The following DNASE1L3 variants were observed in gnomAD, a reference collection of about 807,000 sequenced individuals.
The protein encoded by DNASE1L3 is deoxyribonuclease gamma.
Under a neutral mutation model 30.9 loss-of-function variants are expected in DNASE1L3, and 27 were observed. The observed-to-expected ratio is 0.87, with a 90% CI of 0.64 to 1.20. The LOEUF (loss-of-function observed/expected upper bound fraction) is 1.20. Among genes scored for constraint, DNASE1L3 ranks in the 50% most tolerant of loss-of-function variants. The pLI is 0.00. For missense variants in DNASE1L3, 364 were observed against 378.2 expected (o/e 0.96, Z 0.31); for synonymous variants, 135 against 138.0 (o/e 0.98, Z 0.15).
At chr3:58,208,335 G>C (rs375981741) in intron 1 of DNASE1L3, 29 bp from the exon 2 acceptor site, 3 of 1,610,260 alleles carry the variant, frequency 1.9e-6, no homozygotes, top group South Asian at 1.1e-5. Flanking sequence ...CCAGGGGTTT[G>C]AGGTCATTTA....
chr3:58,210,731 G>A (rs1427108920), intron 1 of DNASE1L3, 35 bp downstream of exon 1: 2 of 1,613,624 alleles, frequency 1.2e-6, no homozygotes. Context: ...GGTGTGAGGG[G>A]TGTCTGGGAT....
intron 5 of DNASE1L3, among the ~76,000 whole-genome samples, chr3:58,199,553 C>T (rs891687435): frequency 3.3e-5 from 5 of 152,052 alleles, no homozygotes; most frequent in Non-Finnish European, 7.4e-5. Context: ...GCCTGTAATC[C>T]CAGCTACTCG....
intron 1 of DNASE1L3, among the ~76,000 whole-genome samples, chr3:58,209,728 TG>T (rs1187579896): frequency 6.6e-6 from 1 of 152,172 alleles, no homozygotes. Context: ...AGGTGGTATT[TG>T]GATGTGGTCG....
chr3:58,207,842 A>T (rs765778043), intron 2 of DNASE1L3: 1 of 178,384 alleles, frequency 5.6e-6, no homozygotes, highest in Non-Finnish European at 1.2e-5. Context: ...CATGACTTTT[A>T]ACAGCTGCAT....
chr3:58,194,314 C>CTTTTTTTTTT (rs11358965), intron 6 of DNASE1L3, among the ~76,000 whole-genome samples: 2 of 89,052 alleles, frequency 2.2e-5, no homozygotes, highest in Non-Finnish European at 2.0e-5. Context: ...GCACAACTAA[C>CTTTTTTTTTT]TTTTTTTTTT....
At chr3:58,193,553 G>C in intron 6 of DNASE1L3, 114 bp from the exon 7 acceptor site, 4 of 857,494 alleles carry the variant, frequency 4.7e-6, no homozygotes, top group Non-Finnish European at 5.5e-6. Context: ...CCTTTCATGT[G>C]GCGCTCAAAG....
intron 4 of DNASE1L3, among the ~76,000 whole-genome samples, chr3:58,203,864 C>T (rs142990485): frequency 3.3e-4 from 50 of 152,226 alleles, no homozygotes; most frequent in African/African-American, 1.2e-3. Flanking sequence ...CAACCCTGGC[C>T]TGTCCATTTC....
chr3:58,205,917 C>G (rs1322281955), intron 2 of DNASE1L3, among the ~76,000 whole-genome samples: 1 of 152,226 alleles, frequency 6.6e-6, no homozygotes, highest in Non-Finnish European at 1.5e-5. Context: ...ACAATCTTGG[C>G]CAGAATCAGC....
At chr3:58,194,685 G>T (rs2097396155) in intron 6 of DNASE1L3, among the ~76,000 whole-genome samples, 1 of 146,674 alleles carries the variant, frequency 6.8e-6, no homozygotes, top group Non-Finnish European at 1.5e-5. Flanking sequence ...GAGTGCAGTG[G>T]CGCAATCTCG....
intron 4 of DNASE1L3, among the ~76,000 whole-genome samples, chr3:58,204,058 C>T (rs1202911751): frequency 1.3e-5 from 2 of 151,858 alleles, no homozygotes; most frequent in Admixed American, 6.6e-5. Flanking sequence ...TCACCCGCTG[C>T]GGCCTGTGGA....
In DNASE1L3 at chr3:58,197,902, C is replaced by T; in HGVS notation, c.623G>A (p.Arg208Lys). The T allele has an allele frequency of 6.2e-7, 1 of 1,614,214 alleles. No homozygotes were observed. The highest frequency in any genetic ancestry group is 1.1e-5 in the South Asian group (1 of 91,086). Residue 208 changes from arginine to lysine, a missense_variant, in exon 6 of 8, where the codon AGG (arginine) becomes AAG (lysine). Transcript: ENST00000394549. The surrounding 1 kb of genome is among the most constrained non-coding windows in gnomAD (Gnocchi z 5.3). ...CAGCCAAACAAACCTGGGGTCAGTC[C>T]TCAAGCGGATGTTCTTCCAGGCCTT... Reference protein sequence around the residue: ...PKKAWKNIRLRTDPRFVWLIG... With the variant: ...PKKAWKNIRLKTDPRFVWLIG...
chr3:58,193,668 G>C (rs898712177), intron 6 of DNASE1L3, among the ~76,000 whole-genome samples: 3 of 152,258 alleles, frequency 2.0e-5, no homozygotes, highest in Non-Finnish European at 2.9e-5. Context: ...CTGTCTCCCA[G>C]TGTGGGCAAT....
Position 58,201,114 on chromosome 3 carries a change from G to A in DNASE1L3, c.434-5C>T. On this transcript the variant is annotated splice_polypyrimidine_tract_variant and splice_region_variant and intron_variant, in intron 4 of 7. Transcript: ENST00000394549. ...TAATCACGAAGTCTTTGACAGCTGA[G>A]AAACAGGAAAGAGGCGGGGGTCACA... 6.2e-7 allele frequency: 1 copy of A among 1,604,164 alleles called. No homozygotes were observed. Among genetic ancestry groups the A allele is most frequent in the Non-Finnish European group, 8.5e-7 (1 of 1,173,636 alleles).
rs1384659091 is a variant in DNASE1L3, at chr3:58,197,360, T to C, written c.704+461A>G. Among the ~76,000 whole-genome samples the C allele has an allele frequency of 2.0e-5, 3 of 152,168 alleles. No individual in the cohort carries two copies. The highest frequency in any genetic ancestry group is 4.4e-5 in the Non-Finnish European group (3 of 68,034). On this transcript the variant is annotated intron_variant, in intron 6 of 7. Coordinates refer to ENST00000394549, the MANE Select transcript of DNASE1L3 (RefSeq NM_004944.4). This position sits in a 1 kb window ranked among gnomAD's most constrained non-coding sequence, Gnocchi z 5.3. Reference sequence around the variant, plus strand: ...CAGTGCCCAGGGCCACCGCATAGGGTCCTGTGGTTCATACGCTACATGTGG... The same window carrying C: ...CAGTGCCCAGGGCCACCGCATAGGGCCCTGTGGTTCATACGCTACATGTGG...
intron 6 of DNASE1L3, among the ~76,000 whole-genome samples, chr3:58,195,798 A>T (rs2097396909): frequency 2.0e-5 from 3 of 152,114 alleles, no homozygotes; most frequent in Admixed American, 1.3e-4. Flanking sequence ...AAAAAAGAAA[A>T]AAAAGAGGCA....
At position 58,192,666 on chromosome 3, in the gene DNASE1L3, A is replaced by G; in HGVS notation, c.*21T>C. On this transcript the variant is annotated 3_prime_UTR_variant, in exon 8 of 8. Coordinates refer to ENST00000394549, the MANE Select transcript of DNASE1L3 (RefSeq NM_004944.4). This position sits in a 1 kb window ranked among gnomAD's most constrained non-coding sequence, Gnocchi z 4.8. ...TTTTATTTAGAGGCAAGAAATGGTT[A>G]ATAAGATGAGACCCTTGGGTCTAGG... 6.2e-7 allele frequency: 1 copy of G among 1,603,702 alleles called. No homozygotes were observed. The highest frequency in any genetic ancestry group is 2.2e-5 in the East Asian group (1 of 44,832).
chr3:58,207,097 G>A (rs2107380765), intron 2 of DNASE1L3, among the ~76,000 whole-genome samples: 1 of 152,282 alleles, frequency 6.6e-6, no homozygotes, highest in Admixed American at 6.5e-5. Flanking sequence ...ATGGCCAGGT[G>A]CAGCGGCTCA....
At chr3:58,205,403 G>T in intron 3 of DNASE1L3, 68 bp downstream of exon 3, 2 of 1,390,802 alleles carry the variant, frequency 1.4e-6, no homozygotes, top group Non-Finnish European at 2.0e-6. Context: ...TTGAAGAAAA[G>T]ACATGCATTT....
rs534743032 is a variant in DNASE1L3 at position 58,210,759 on chromosome 3, G to A, written c.141+7C>T. 2 of 1,614,052 alleles carry A rather than the reference G, an allele frequency of 1.2e-6. No individual in the cohort carries two copies. Among genetic ancestry groups the A allele is most frequent in the East Asian group, 4.5e-5 (2 of 44,870 alleles). ...TCTGGGATCCTCCTCCCAGGAAAGG[G>A]GCTCACCTTCACAATGACATCCATG... is the stretch of plus-strand genomic sequence containing the variant. On this transcript the variant is annotated splice_region_variant and intron_variant, in intron 1 of 7. Transcript: ENST00000394549.
Sources: allele counts gnomAD v4.1 joint callset (sites outside exome capture counted in the v4.1 genomes callset), GRCh38; gene constraint gnomAD v4.1.1; non-coding constraint Gnocchi (gnomAD v3.1); transcripts MANE v1.5; gene names NCBI Gene and HGNC (gene_info 2026-07-23, HGNC 2026-07-21).